NBL1: variants seen among roughly 807,000 people sequenced by gnomAD.
NBL1 encodes NBL1, DAN family BMP antagonist, also known as neuroblastoma suppressor of tumorigenicity 1.
Under a neutral mutation model 16.0 loss-of-function variants are expected in NBL1, and 9 were observed. That is an observed-to-expected ratio of 0.56 (90% confidence interval 0.34 to 0.98). The LOEUF (loss-of-function observed/expected upper bound fraction) is 0.98, where lower values mean the gene tolerates loss of function less well. NBL1 is among the 50% of genes least tolerant of loss of function. NBL1 has a pLI of 0.02. For missense variants in NBL1, 196 were observed against 243.1 expected (o/e 0.81, Z 1.29); for synonymous variants, 86 against 100.7 (o/e 0.85, Z 0.87).
chr1:19,643,536 C>G (rs1340163313), upstream of NBL1: 2 of 1,467,204 alleles, frequency 1.4e-6, no homozygotes, highest in African/African-American at 2.8e-5. This position sits in a 1 kb window ranked among gnomAD's most constrained non-coding sequence, Gnocchi z 4.7. Flanking sequence ...CGGCCGCAAT[C>G]CACCCAAGTG....
chr1:19,644,522 A>AGCCCGGAGCTGCGTC lies in NBL1; in HGVS notation c.-20+77_-20+91dup. On this transcript the variant is annotated intron_variant, in intron 1 of 3. Coordinates refer to ENST00000375136, the MANE Select transcript of NBL1 (RefSeq NM_005380.8). The surrounding 1 kb of genome is among the most constrained non-coding windows in gnomAD (Gnocchi z 4.6). ...GCCGCGGGGGCAGTGCCGCGCCCCCAGCCCGGAGCTGCGTCCCCCGGCGCG... is the reference window on the plus strand; with the variant it reads ...GCCGCGGGGGCAGTGCCGCGCCCCCAGCCCGGAGCTGCGTCGCCCGGAGCTGCGTCCCCCGGCGCG... 1.2e-6 allele frequency: 1 copy of AGCCCGGAGCTGCGTC among 828,180 alleles called. No individual in the cohort carries two copies. Among genetic ancestry groups the AGCCCGGAGCTGCGTC allele is most frequent in the Non-Finnish European group, 1.5e-6 (1 of 688,988 alleles). 51.3% of individuals were successfully genotyped at this position (828,180 alleles called of 1,614,324 possible).
chr1:19,647,616 C>T, intron 1 of NBL1: 9 of 985,488 alleles, frequency 9.1e-6, no homozygotes, highest in Non-Finnish European at 9.6e-6. Flanking sequence ...GCCACAAACG[C>T]TGCGTGCTCG....
At chr1:19,645,730 A>G in intron 1 of NBL1, 5 of 1,344,646 alleles carry the variant, frequency 3.7e-6, no homozygotes, top group South Asian at 1.5e-5. Context: ...ACCCCTCTCC[A>G]CCCACCCCTG....
rs140114169 is a variant in NBL1, at chr1:19,645,992, G to A, written c.-20+1546G>A. On this transcript the variant is annotated intron_variant, in intron 1 of 3. Coordinates refer to ENST00000375136, the MANE Select transcript of NBL1 (RefSeq NM_005380.8). ...TGCAGCAGCTCATTAGCATGGATTTGTTTTGGAGACTGTTTTTCGTTTGCG... is the reference window on the plus strand; with the variant it reads ...TGCAGCAGCTCATTAGCATGGATTTATTTTGGAGACTGTTTTTCGTTTGCG... 3.6e-3 allele frequency: 5,631 copies of A among 1,550,568 alleles called. 14 individuals carry two copies. Among genetic ancestry groups the A allele is most frequent in the Non-Finnish European group, 4.6e-3 (5,233 of 1,146,954 alleles).
intron 1 of NBL1, among the ~76,000 whole-genome samples, chr1:19,649,512 C>T (rs1195366572): frequency 6.6e-6 from 1 of 152,018 alleles, no homozygotes; most frequent in African/African-American, 2.4e-5. Context: ...GCATGTGCCA[C>T]CACACCCGGC....
At chr1:19,649,618 A>C (rs892745214) in intron 1 of NBL1, among the ~76,000 whole-genome samples, 2 of 152,116 alleles carry the variant, frequency 1.3e-5, no homozygotes, top group African/African-American at 4.8e-5. Flanking sequence ...TCGATCTCCC[A>C]AAATGCTGGG....
chr1:19,643,919 C>G, upstream of NBL1: 1 of 986,524 alleles, frequency 1.0e-6, no homozygotes, highest in Non-Finnish European at 1.2e-6. This position sits in a 1 kb window ranked among gnomAD's most constrained non-coding sequence, Gnocchi z 4.7. Context: ...ATCTTTGTCA[C>G]CCCGAGGCCT....
chr1:19,654,603 C>T (rs1259271379), intron 1 of NBL1, among the ~76,000 whole-genome samples: 1 of 152,044 alleles, frequency 6.6e-6, no homozygotes, highest in Non-Finnish European at 1.5e-5. Flanking sequence ...AGTAATTGTT[C>T]AGCACTTGAC....
chr1:19,645,782 G>A, intron 1 of NBL1: 6 of 1,413,914 alleles, frequency 4.2e-6, no homozygotes, highest in Non-Finnish European at 5.6e-6. Context: ...TGGAGGGGTG[G>A]ACAGGGGAGT....
chr1:19,647,584 G>GCA (rs1181242151), intron 1 of NBL1: 2 of 985,172 alleles, frequency 2.0e-6, no homozygotes, highest in Non-Finnish European at 2.4e-6. Flanking sequence ...GGGAGGGGGA[G>GCA]CATCTGGTTT....
In NBL1 at chr1:19,657,772, C is replaced by A; in HGVS notation, c.*643C>A. On this transcript the variant is annotated 3_prime_UTR_variant, in exon 4 of 4. Transcript: ENST00000375136. ...GAGCTGGGAGCCAGGCTCTCCGGGC[C>A]TTTCTCTGGCTTCCTTGGCTTGCCT... 1 of 152,994 alleles carries A rather than the reference C, an allele frequency of 6.5e-6. No homozygotes were observed. Among genetic ancestry groups the A allele is most frequent in the Non-Finnish European group, 1.5e-5 (1 of 68,258 alleles). 9.5% of individuals were successfully genotyped at this position (152,994 alleles called of 1,614,324 possible).
chr1:19,645,914 T>C, intron 1 of NBL1: 2 of 1,549,542 alleles, frequency 1.3e-6, no homozygotes, highest in Non-Finnish European at 1.7e-6. Context: ...CGGGCAGGGT[T>C]GTTGGTGAGG....
rs1222645567 is a variant in NBL1 at position 19,644,598 on chromosome 1, C to T, written c.-20+152C>T. On this transcript the variant is annotated intron_variant, in intron 1 of 3. Transcript: ENST00000375136. The surrounding 1 kb of genome is among the most constrained non-coding windows in gnomAD (Gnocchi z 4.6). The stretch of plus-strand genomic sequence containing the variant: ...AGGCGCCGCCGCCGAGCTCAGGAGC[C>T]CTGGGGGACCTGGCGGGCGCCTCCG... Among the ~76,000 whole-genome samples the T allele has an allele frequency of 6.7e-6, 1 of 150,268 alleles. No individual in the cohort carries two copies. Among genetic ancestry groups the T allele is most frequent in the South Asian group, 2.1e-4 (1 of 4,818 alleles).
intron 3 of NBL1, 69 bp from the exon 4 acceptor site, chr1:19,656,797 C>A (rs1159781622): frequency 6.6e-7 from 1 of 1,523,936 alleles, no homozygotes. Flanking sequence ...GGAAGTATTA[C>A]CCTAGGGGCT....
chr1:19,650,622 C>G, intron 1 of NBL1, among the ~76,000 whole-genome samples: 1 of 152,144 alleles, frequency 6.6e-6, no homozygotes, highest in Non-Finnish European at 1.5e-5. Flanking sequence ...ACTTTCCTTC[C>G]CGCCCTCGCT....
chr1:19,655,224 G>A (rs1364512179), intron 2 of NBL1, 24 bp downstream of exon 2: 3 of 1,604,524 alleles, frequency 1.9e-6, no homozygotes, highest in East Asian at 4.5e-5. Context: ...GGTGGGTGGG[G>A]GGATGCGGAC....
Position 19,645,743 on chromosome 1 carries a change from A to G in NBL1, c.-20+1297A>G, listed in dbSNP as rs938238922. On this transcript the variant is annotated intron_variant, in intron 1 of 3. Coordinates refer to ENST00000375136, the MANE Select transcript of NBL1 (RefSeq NM_005380.8). ...CTACCCCTCTCCACCCACCCCTGCA[A>G]GCTGGACCTCTCTCCCGGGCCTGTG... 3.7e-6 allele frequency: 5 copies of G among 1,362,990 alleles called. No homozygotes were observed. In the African/African-American group the frequency reaches 7.4e-5, roughly 20 times the overall value. The allele number at this position is 1,362,990 out of a possible 1,614,324, so 84.4% of individuals were successfully genotyped here. A position where few individuals can be genotyped will look rare whatever the true frequency, so the allele number is the denominator to read the frequency against.
chr1:19,648,180 G>A (rs1241922734), intron 1 of NBL1, among the ~76,000 whole-genome samples: 1 of 152,186 alleles, frequency 6.6e-6, no homozygotes, highest in Admixed American at 6.5e-5. Context: ...GTTTCACGGT[G>A]GGCGGGAGTC....
intron 1 of NBL1, chr1:19,647,755 A>G (rs1205020207): frequency 3.8e-6 from 3 of 796,960 alleles, no homozygotes; most frequent in Non-Finnish European, 4.6e-6. Flanking sequence ...GAAGATGGGG[A>G]GGGAGAGCCC....
Sources: gnomAD v4.1 joint callset for allele counts (sites outside exome capture counted in the v4.1 genomes callset) on GRCh38, gnomAD v4.1.1 for gene constraint, Gnocchi (gnomAD v3.1) non-coding constraint, MANE v1.5 for transcripts, NCBI Gene and HGNC (gene_info 2026-07-23, HGNC 2026-07-21) for gene names.